ARSB: variants seen among roughly 807,000 people sequenced by gnomAD.
The protein encoded by ARSB is arylsulfatase B.
ARSB carries 41 observed loss-of-function variants against 50.9 expected under a neutral mutation model. The observed-to-expected ratio is 0.81, with a 90% CI of 0.63 to 1.04. The LOEUF (loss-of-function observed/expected upper bound fraction) is 1.04, where lower values mean the gene tolerates loss of function less well. Among genes scored for constraint, ARSB ranks in the 50% least tolerant of loss-of-function variants. The probability of loss-of-function intolerance (pLI) is 0.00; values close to 1 mark genes in which losing one functional copy is unlikely to be tolerated. For synonymous variants in ARSB, 269 were observed against 284.8 expected (o/e 0.94, Z 0.56); for missense variants, 672 against 693.3 (o/e 0.97, Z 0.35).
intron 4 of ARSB, among the ~76,000 whole-genome samples, chr5:78,944,299 A>T (rs1751100510): frequency 6.6e-6 from 1 of 152,210 alleles, no homozygotes; most frequent in Non-Finnish European, 1.5e-5. Context: ...TTCTCCATCC[A>T]GCTTTGTTCC....
chr5:78,978,335 TAAAA>T (rs35665104), intron 1 of ARSB, among the ~76,000 whole-genome samples: 4 of 142,106 alleles, frequency 2.8e-5, no homozygotes, highest in Non-Finnish European at 4.6e-5. Context: ...GACTCTGTCT[TAAAA>T]AAAAAAAAAA....
chr5:78,883,744 G>C (rs1194006504), intron 5 of ARSB: 3 of 152,150 alleles, frequency 2.0e-5, no homozygotes, highest in African/African-American at 7.2e-5. Flanking sequence ...TAGACTCCAC[G>C]TTGTGAGAGG....
intron 7 of ARSB, 147 bp downstream of exon 7, chr5:78,781,705 A>G (rs1196168406): frequency 8.0e-6 from 10 of 1,256,350 alleles, no homozygotes; most frequent in Non-Finnish European, 1.1e-5. Context: ...AACGGTTAGA[A>G]CAAGAGTGAT....
At chr5:78,900,531 C>A (rs952631952) in intron 4 of ARSB, among the ~76,000 whole-genome samples, 1 of 152,132 alleles carries the variant, frequency 6.6e-6, no homozygotes, top group Non-Finnish European at 1.5e-5. Flanking sequence ...ACGTGGAAAT[C>A]TGATTCTCCA....
intron 6 of ARSB, among the ~76,000 whole-genome samples, chr5:78,820,948 A>AC (rs200552028): frequency 6.6e-6 from 1 of 150,776 alleles, no homozygotes; most frequent in Non-Finnish European, 1.5e-5. Context: ...CAAAAAAAAA[A>AC]CCCCACAACA....
chr5:78,827,739 T>C (rs1185126078), intron 6 of ARSB, among the ~76,000 whole-genome samples: 1 of 152,202 alleles, frequency 6.6e-6, no homozygotes, highest in East Asian at 1.9e-4. Context: ...AACCAGCCTT[T>C]GTTTGGATAA....
intron 5 of ARSB, among the ~76,000 whole-genome samples, chr5:78,861,477 T>C (rs911880046): frequency 5.9e-5 from 9 of 152,142 alleles, no homozygotes; most frequent in African/African-American, 2.2e-4. Context: ...TCAATGAACG[T>C]AATCCATCAT....
intron 5 of ARSB, among the ~76,000 whole-genome samples, chr5:78,882,440 G>A (rs1747796726): frequency 6.6e-6 from 1 of 152,120 alleles, no homozygotes; most frequent in South Asian, 2.1e-4. Context: ...ACTTTCTTTA[G>A]CTCAATGATT....
chr5:78,829,549 G>T (rs1744580949), intron 6 of ARSB, among the ~76,000 whole-genome samples: 1 of 152,160 alleles, frequency 6.6e-6, no homozygotes, highest in South Asian at 2.1e-4. Flanking sequence ...ATCTTTAGAA[G>T]CAGGGGCCAT....
chr5:78,952,101 A>T (rs1485908853), intron 4 of ARSB, among the ~76,000 whole-genome samples: 2 of 152,212 alleles, frequency 1.3e-5, no homozygotes, highest in Non-Finnish European at 2.9e-5. Context: ...AAAATATAAG[A>T]CAATCCTATT....
rs571081244 is a variant in ARSB, at chr5:78,861,771, G to C, written c.1143-22345C>G. Among the ~76,000 whole-genome samples the C allele has an allele frequency of 3.7e-4, 56 of 152,200 alleles. 1 individual carries two copies. Among genetic ancestry groups the C allele is most frequent in the African/African-American group, 7.0e-4 (29 of 41,522 alleles). On this transcript the variant is annotated intron_variant, in intron 5 of 7. Coordinates refer to ENST00000264914, the MANE Select transcript of ARSB (RefSeq NM_000046.5). Reference sequence around the variant, plus strand: ...TTGGAAATTCTGGTCAGGGCAATCAGGCAAGAGAAAGAAATAAAGGGCATT... The same window carrying C: ...TTGGAAATTCTGGTCAGGGCAATCACGCAAGAGAAAGAAATAAAGGGCATT...
intron 5 of ARSB, among the ~76,000 whole-genome samples, chr5:78,878,566 T>TC (rs1458453314): frequency 6.6e-6 from 1 of 151,044 alleles, no homozygotes; most frequent in African/African-American, 2.4e-5. Flanking sequence ...TTTATGTGTT[T>TC]TTTTTTTTTC....
chr5:78,876,761 G>A (rs1169648795), intron 5 of ARSB, among the ~76,000 whole-genome samples: 2 of 152,126 alleles, frequency 1.3e-5, no homozygotes, highest in East Asian at 1.9e-4. Context: ...ACTGTGGACC[G>A]GTACCCATCT....
chr5:78,880,064 A>C (rs1013950257), intron 5 of ARSB, among the ~76,000 whole-genome samples: 2 of 152,150 alleles, frequency 1.3e-5, no homozygotes, highest in African/African-American at 4.8e-5. Context: ...AAAGCCCCGC[A>C]GTCACCACTA....
intron 1 of ARSB, among the ~76,000 whole-genome samples, chr5:78,981,491 G>C (rs1290912788): frequency 6.6e-6 from 1 of 152,246 alleles, no homozygotes; most frequent in Non-Finnish European, 1.5e-5. Context: ...TGTTGGGCAA[G>C]ATTAATCTTT....
intron 6 of ARSB, among the ~76,000 whole-genome samples, chr5:78,792,756 C>T (rs1743016017): frequency 1.3e-5 from 2 of 152,126 alleles, no homozygotes; most frequent in South Asian, 4.1e-4. Flanking sequence ...ATAGGTAAAA[C>T]CAACTGACCA....
intron 3 of ARSB, among the ~76,000 whole-genome samples, chr5:78,960,884 G>C (rs975056093): frequency 2.6e-5 from 4 of 152,142 alleles, no homozygotes; most frequent in African/African-American, 9.7e-5. Flanking sequence ...GTTTTTAAAA[G>C]AAAGATATTT....
chr5:78,845,656 T>G (rs12189199), intron 5 of ARSB, among the ~76,000 whole-genome samples: 18,903 of 152,206 alleles, frequency 0.12, 1,397 homozygotes, highest in Middle Eastern at 0.21. Context: ...TAAAAATAAA[T>G]CTACTAGCCA....
intron 4 of ARSB, among the ~76,000 whole-genome samples, chr5:78,951,164 A>C (rs1751480829): frequency 6.6e-6 from 1 of 152,154 alleles, no homozygotes; most frequent in African/African-American, 2.4e-5. Context: ...GGATCACTTG[A>C]GCCCAGGAGT....
Sources: allele counts gnomAD v4.1 joint callset (sites outside exome capture counted in the v4.1 genomes callset), GRCh38; gene constraint gnomAD v4.1.1; transcripts MANE v1.5; gene names NCBI Gene and HGNC (gene_info 2026-07-23, HGNC 2026-07-21).